The following JAK2 variants were observed in gnomAD, a reference collection of about 807,000 sequenced individuals.
The protein encoded by JAK2 is tyrosine-protein kinase JAK2.
In JAK2, 86 loss-of-function variants were observed where a neutral mutation model predicts 139.3. That is an observed-to-expected ratio of 0.62 (90% CI 0.52 to 0.74). The LOEUF is 0.74. Among genes scored for constraint, JAK2 ranks in the 30% least tolerant of loss-of-function variants. The probability of loss-of-function intolerance (pLI) is 0.00; values close to 1 mark genes in which losing one functional copy is unlikely to be tolerated. For synonymous variants in JAK2, 490 were observed against 437.7 expected (o/e 1.12, Z -1.49); for missense variants, 1,421 against 1,360.3 (o/e 1.04, Z -0.70).
intron 4 of JAK2, among the ~76,000 whole-genome samples, chr9:5,030,846 C>CA (rs1563938869): frequency 6.6e-6 from 1 of 151,186 alleles, no homozygotes; most frequent in South Asian, 2.1e-4. Flanking sequence ...GCACTGAGTT[C>CA]AAAAAAATAT....
At chr9:4,993,888 C>T (rs1820408189) in intron 2 of JAK2, among the ~76,000 whole-genome samples, 1 of 152,164 alleles carries the variant, frequency 6.6e-6, no homozygotes, top group Admixed American at 6.5e-5. Flanking sequence ...CAATTTCCTC[C>T]CACATTCCAA....
At chr9:5,083,044 A>G (rs1819823694) in intron 19 of JAK2, among the ~76,000 whole-genome samples, 1 of 152,234 alleles carries the variant, frequency 6.6e-6, no homozygotes, top group African/African-American at 2.4e-5. Flanking sequence ...GTGCATGAAC[A>G]TCTTCAAGAG....
chr9:5,062,002 G>T (rs916457071), intron 8 of JAK2, among the ~76,000 whole-genome samples: 1 of 152,194 alleles, frequency 6.6e-6, no homozygotes, highest in Non-Finnish European at 1.5e-5. Flanking sequence ...CGGTGGAGCA[G>T]TCAGAACATA....
At chr9:5,044,645 C>T in intron 5 of JAK2, 125 bp downstream of exon 5, 2 of 539,714 alleles carry the variant, frequency 3.7e-6, no homozygotes, top group East Asian at 3.2e-5. Context: ...ACAGCAGGTG[C>T]AGAGAAGTAA....
chr9:5,107,045 A>G (rs1822021024), intron 22 of JAK2, among the ~76,000 whole-genome samples: 1 of 152,178 alleles, frequency 6.6e-6, no homozygotes, highest in Admixed American at 6.5e-5. Context: ...ATATATATAC[A>G]TCACTTTACA....
intron 10 of JAK2, among the ~76,000 whole-genome samples, chr9:5,068,233 G>T (rs1438654876): frequency 6.6e-6 from 1 of 151,452 alleles, no homozygotes; most frequent in Non-Finnish European, 1.5e-5. Context: ...TTGACCTTGA[G>T]GTATTGGTAG....
intron 2 of JAK2, among the ~76,000 whole-genome samples, chr9:5,009,124 A>G (rs997420308): frequency 6.6e-6 from 1 of 152,234 alleles, no homozygotes; most frequent in Admixed American, 6.5e-5. Flanking sequence ...TATAACAGCA[A>G]CACATAAGTT....
chr9:5,111,859 G>T, intron 22 of JAK2: 2 of 387,378 alleles, frequency 5.2e-6, no homozygotes, highest in Middle Eastern at 6.3e-4. Flanking sequence ...CAACCTCCTG[G>T]GCTCCCGAGG....
chr9:5,029,352 A>G (rs991799264), intron 3 of JAK2, among the ~76,000 whole-genome samples: 1 of 152,224 alleles, frequency 6.6e-6, no homozygotes, highest in Admixed American at 6.5e-5. Flanking sequence ...AATGATTACA[A>G]TTGTAATGTC....
chr9:5,058,713 G>C (rs966533034), intron 8 of JAK2, among the ~76,000 whole-genome samples: 7 of 152,106 alleles, frequency 4.6e-5, no homozygotes, highest in Admixed American at 4.6e-4. Context: ...GTTATTTTCT[G>C]TTTTCTGATA....
chr9:5,124,226 T>A (rs1823829222), intron 23 of JAK2, among the ~76,000 whole-genome samples: 1 of 151,966 alleles, frequency 6.6e-6, no homozygotes, highest in African/African-American at 2.4e-5. Flanking sequence ...AAGTCTCATT[T>A]GTCTATTTTT....
chr9:5,033,743 C>T (rs778650840), intron 4 of JAK2, among the ~76,000 whole-genome samples: 10 of 152,086 alleles, frequency 6.6e-5, no homozygotes, highest in Non-Finnish European at 1.3e-4. Flanking sequence ...GAAGGAAGCA[C>T]TAAACATAGA....
In JAK2 at chr9:5,054,351, C is replaced by T. The variant is rs940124298; in HGVS notation, c.615-212C>T. ...CTTCTTTTGTAAACATTGATGATAA[C>T]TTAGAGTGTGTGGATATATTTATAT... On this transcript the variant is annotated intron_variant, in intron 6 of 24. Transcript: ENST00000381652. This position sits in a 1 kb window ranked among gnomAD's most constrained non-coding sequence, Gnocchi z 4.9. Among the ~76,000 whole-genome samples, 2 of 151,918 alleles carry T rather than the reference C, an allele frequency of 1.3e-5. No individual in the cohort carries two copies. The highest frequency in any genetic ancestry group is 4.8e-5 in the African/African-American group (2 of 41,390).
chr9:5,024,444 C>T (rs555658492), intron 3 of JAK2, among the ~76,000 whole-genome samples: 78 of 152,012 alleles, frequency 5.1e-4, no homozygotes, highest in African/African-American at 1.8e-3. Context: ...CAGTGTTTAC[C>T]CAGTCCATTT....
At chr9:5,075,198 A>T (rs143600910) in intron 14 of JAK2, among the ~76,000 whole-genome samples, 286 of 152,274 alleles carry the variant, frequency 1.9e-3, no homozygotes, top group Non-Finnish European at 1.5e-3. Flanking sequence ...GCATAAGTGC[A>T]AGGTGAAGCA....
At chr9:4,997,723 A>G (rs1270215588) in intron 2 of JAK2, among the ~76,000 whole-genome samples, 1 of 152,202 alleles carries the variant, frequency 6.6e-6, no homozygotes, top group Non-Finnish European at 1.5e-5. Flanking sequence ...TTTGATATGG[A>G]AAGATTCATT....
intron 22 of JAK2, chr9:5,112,008 T>TAGCCTGG (rs1822613583): frequency 2.6e-6 from 1 of 387,200 alleles, no homozygotes; most frequent in Admixed American, 3.0e-5. Flanking sequence ...GACGTCGCAC[T>TAGCCTGG]AGCCTGGAGC....
At chr9:5,107,753 ATATT>A (rs1439284254) in intron 22 of JAK2, among the ~76,000 whole-genome samples, 1 of 152,102 alleles carries the variant, frequency 6.6e-6, no homozygotes, top group Non-Finnish European at 1.5e-5. Context: ...AATACTGTCA[ATATT>A]TATCATAATT....
chr9:5,029,118 A>G (rs1181565795), intron 3 of JAK2, among the ~76,000 whole-genome samples: 1 of 152,222 alleles, frequency 6.6e-6, no homozygotes, highest in Admixed American at 6.5e-5. Flanking sequence ...AGTGAGAGAT[A>G]TGAAACTCTT....
Sources: gnomAD v4.1 joint callset for allele counts (sites outside exome capture counted in the v4.1 genomes callset) on GRCh38, gnomAD v4.1.1 for gene constraint, Gnocchi (gnomAD v3.1) non-coding constraint, MANE v1.5 for transcripts, NCBI Gene and HGNC (gene_info 2026-07-23, HGNC 2026-07-21) for gene names.